Variants in CFAP47 observed in about 807,000 individuals in gnomAD.
CFAP47 encodes the protein cilia and flagella associated protein 47, also known as cilia- and flagella-associated protein 47.
A neutral mutation model predicts 148.1 loss-of-function variants in CFAP47; 29 were observed. That is an observed-to-expected ratio of 0.20 (90% CI 0.15 to 0.27). The LOEUF is 0.27. Ranked by LOEUF, CFAP47 falls within the 10% of genes least tolerant of loss-of-function variation. CFAP47 has a pLI of 1.00. For synonymous variants in CFAP47, 664 were observed against 577.3 expected (o/e 1.15, Z -2.15); for missense variants, 1,872 against 1,697.5 (o/e 1.10, Z -1.81).
intron 57 of CFAP47, among the ~76,000 whole-genome samples, chrX:36,326,451 A>G (rs1556013053): frequency 8.9e-6 from 1 of 111,807 alleles, no homozygotes; most frequent in Non-Finnish European, 1.9e-5. Context: ...AGACAAGAAG[A>G]TGTGGGAAAG....
intron 62 of CFAP47, among the ~76,000 whole-genome samples, chrX:36,373,969 C>G (rs938797717): frequency 9.0e-6 from 1 of 111,353 alleles, no homozygotes. Flanking sequence ...TTTACTAATA[C>G]TGTATTGATG....
At chrX:36,152,637 A>G (rs946342663) in intron 37 of CFAP47, among the ~76,000 whole-genome samples, 1 of 111,586 alleles carries the variant, frequency 9.0e-6, no homozygotes, top group African/African-American at 3.3e-5. Context: ...AGCCACCTCT[A>G]GACAGCTCAA....
At chrX:36,180,083 A>G (rs1437500416) in intron 40 of CFAP47, among the ~76,000 whole-genome samples, 1 of 111,736 alleles carries the variant, frequency 8.9e-6, no homozygotes, top group African/African-American at 3.3e-5. Flanking sequence ...TGAACGCACC[A>G]TGAGTATTGA....
chrX:36,006,324 G>A (rs1936981589), intron 21 of CFAP47, among the ~76,000 whole-genome samples: 2 of 111,073 alleles, frequency 1.8e-5, no homozygotes, highest in Non-Finnish European at 3.8e-5. Flanking sequence ...ATCATTCTAC[G>A]TTAACTGGGT....
At position 35,941,353 on chromosome X, in the gene CFAP47, G is replaced by A; in HGVS notation, c.472G>A (p.Val158Ile). Residue 158 changes from valine to isoleucine, a missense_variant, in exon 3 of 64, where the codon GTA (valine) becomes ATA (isoleucine). Val to Ile is a conservative substitution (Grantham distance 29). Coordinates refer to ENST00000378653, the MANE Select transcript of CFAP47 (RefSeq NM_001304548.2). ...NFGTLVANSK[V>I]YSKEITITNH... ...TGGCACACTGGTTGCCAATAGTAAA[G>A]TATATTCTAAAGAGATTACTATCAC... The A allele has an allele frequency of 7.7e-6, 9 of 1,161,488 alleles. No homozygotes were observed. The highest frequency in any genetic ancestry group is 1.0e-5 in the Non-Finnish European group (9 of 867,341).
In CFAP47 at chrX:36,054,126, C is replaced by T. The variant is rs1482516661; in HGVS notation, c.4217+7063C>T. On this transcript the variant is annotated intron_variant, in intron 26 of 63. Coordinates refer to ENST00000378653, the MANE Select transcript of CFAP47 (RefSeq NM_001304548.2). Reference sequence around the variant, plus strand: ...TTCCTGGTTGCTGTTCTTCACAGAACTCCTAGAAGGTGGATGCCCATGCAG... The same window carrying T: ...TTCCTGGTTGCTGTTCTTCACAGAATTCCTAGAAGGTGGATGCCCATGCAG... 2.7e-5 allele frequency among the ~76,000 whole-genome samples: 3 copies of T among 112,138 alleles called. No homozygotes were observed. In the Admixed American group the frequency reaches 2.8e-4, roughly 11 times the overall value.
intron 3 of CFAP47, among the ~76,000 whole-genome samples, chrX:35,946,536 G>T (rs1480402357): frequency 3.6e-5 from 4 of 110,991 alleles, no homozygotes; most frequent in Admixed American, 2.9e-4. Flanking sequence ...ATATATTTTT[G>T]ATTTATGATA....
At chrX:36,297,041 T>C (rs1404350960) in intron 51 of CFAP47, among the ~76,000 whole-genome samples, 2 of 112,130 alleles carry the variant, frequency 1.8e-5, no homozygotes, top group Admixed American at 1.9e-4. Flanking sequence ...TTCTAATGTC[T>C]CCTGAAACCA....
chrX:35,955,143 T>C (rs1019116302), intron 7 of CFAP47, among the ~76,000 whole-genome samples: 1 of 112,091 alleles, frequency 8.9e-6, no homozygotes, highest in Non-Finnish European at 1.9e-5. Flanking sequence ...CACAGAGTGG[T>C]CTAGTAGACA....
chrX:36,181,746 A>T lies in CFAP47; in HGVS notation c.6104+2324A>T, dbSNP rs373583448. 7.1e-5 allele frequency among the ~76,000 whole-genome samples: 8 copies of T among 112,007 alleles called. No homozygotes were observed. In the East Asian group the frequency reaches 2.3e-3, roughly 32 times the overall value. Reference sequence around the variant, plus strand: ...CTGCAAGAATAACTCAGAGCCATACATTTAAAATACTACGGATTTACTCAT... The same window carrying T: ...CTGCAAGAATAACTCAGAGCCATACTTTTAAAATACTACGGATTTACTCAT... On this transcript the variant is annotated intron_variant, in intron 40 of 63. Coordinates refer to ENST00000378653, the MANE Select transcript of CFAP47 (RefSeq NM_001304548.2).
chrX:36,258,310 C>T (rs1190793217), intron 49 of CFAP47, among the ~76,000 whole-genome samples: 1 of 111,914 alleles, frequency 8.9e-6, no homozygotes, highest in Non-Finnish European at 1.9e-5. Context: ...TTATTCAACA[C>T]TAAATATATC....
At chrX:36,341,836 C>A (rs1016724052) in intron 57 of CFAP47, among the ~76,000 whole-genome samples, 2 of 109,954 alleles carry the variant, frequency 1.8e-5, no homozygotes, top group Non-Finnish European at 3.8e-5. Context: ...ATGTATAACT[C>A]TTTTAAAATA....
intron 42 of CFAP47, among the ~76,000 whole-genome samples, chrX:36,194,066 A>G (rs1939893286): frequency 8.9e-6 from 1 of 111,740 alleles, no homozygotes; most frequent in Admixed American, 9.5e-5. Context: ...CACATTCTAC[A>G]AAGAAGTTGT....
intron 24 of CFAP47, among the ~76,000 whole-genome samples, chrX:36,036,672 A>C (rs1937342253): frequency 8.9e-6 from 1 of 112,018 alleles, no homozygotes; most frequent in South Asian, 3.7e-4. Context: ...AGACTTATAA[A>C]ATACCCAAAT....
chrX:36,167,906 CTTGT>C (rs985830083), intron 39 of CFAP47, among the ~76,000 whole-genome samples: 3 of 110,896 alleles, frequency 2.7e-5, no homozygotes, highest in Non-Finnish European at 5.7e-5. Flanking sequence ...TTTGGGTTTC[CTTGT>C]TTGTTTGTTT....
At chrX:35,927,221 T>C (rs1395439423) in intron 2 of CFAP47, among the ~76,000 whole-genome samples, 3 of 111,201 alleles carry the variant, frequency 2.7e-5, no homozygotes, top group African/African-American at 6.5e-5. Context: ...TCAATTATTT[T>C]GTTTCTTTGT....
rs1040566615 is a variant in CFAP47, at chrX:35,988,473, G to T, written c.2714-846G>T. Among the ~76,000 whole-genome samples, 6 of 111,723 alleles carry T rather than the reference G, an allele frequency of 5.4e-5. No individual in the cohort carries two copies. The East Asian group carries it at 1.7e-3, about 32-fold the overall frequency. ...CTATGTTACTCCCCATACATATGTT[G>T]TTATCTCCCTATATGGCCACTGCAA... On this transcript the variant is annotated intron_variant, in intron 15 of 63. Coordinates refer to ENST00000378653, the MANE Select transcript of CFAP47 (RefSeq NM_001304548.2).
rs1255215315 is a variant in CFAP47 at position 35,975,343 on chromosome X, C to T, written c.2451C>T (p.Pro817=). Residue 817 remains proline, a synonymous_variant, in exon 14 of 64, where the codon CCC becomes CCT. Coordinates refer to ENST00000378653, the MANE Select transcript of CFAP47 (RefSeq NM_001304548.2). ...ATATTTCAATGGTATTTGACTCTCC[C>T]ACCATTGGAAAATTTTGGAAGTAGG... ...STYISMVFDS[P]TIGKFWKSFT... is the part of the protein sequence containing the mutation. The T allele has an allele frequency of 4.2e-6, 5 of 1,183,388 alleles. No homozygotes were observed. The highest frequency in any genetic ancestry group is 5.7e-6 in the Non-Finnish European group (5 of 875,865).
intron 45 of CFAP47, among the ~76,000 whole-genome samples, chrX:36,224,176 G>T (rs1940244256): frequency 9.1e-6 from 1 of 110,024 alleles, no homozygotes; most frequent in African/African-American, 3.3e-5. Context: ...GTATCCATGG[G>T]GGGAAATAAA....
Sources: allele counts gnomAD v4.1 joint callset (sites outside exome capture counted in the v4.1 genomes callset), GRCh38; gene constraint gnomAD v4.1.1; transcripts MANE v1.5; gene names NCBI Gene and HGNC (gene_info 2026-07-23, HGNC 2026-07-21).